TAGLN2: variants seen among roughly 807,000 people sequenced by gnomAD.
TAGLN2 encodes transgelin 2, also known as transgelin-2.
TAGLN2 carries 14 observed loss-of-function variants against 24.9 expected under a neutral mutation model. The observed-to-expected ratio is 0.56, with a 90% CI of 0.37 to 0.88. The LOEUF is 0.88. Among genes scored for constraint, TAGLN2 ranks in the 40% least tolerant of loss-of-function variants. The pLI is 0.00. For synonymous variants in TAGLN2, 77 were observed against 98.2 expected (o/e 0.78, Z 1.28); for missense variants, 208 against 258.9 (o/e 0.80, Z 1.35).
chr1:159,920,535 G>C lies in TAGLN2; in HGVS notation c.-26C>G. ...TCCAATGGGTGGCGGTGGCTGCGGG[G>C]AGCTAGGGAGAGGACACACCCGGGC... On this transcript the variant is annotated splice_region_variant and 5_prime_UTR_variant, in exon 2 of 5. Coordinates refer to ENST00000368097, the MANE Select transcript of TAGLN2 (RefSeq NM_003564.3). 1 of 1,612,684 alleles carries C rather than the reference G, an allele frequency of 6.2e-7. No homozygotes were observed.
intron 1 of TAGLN2, among the ~76,000 whole-genome samples, chr1:159,921,107 A>G (rs1368541886): frequency 6.6e-6 from 1 of 152,254 alleles, no homozygotes; most frequent in Non-Finnish European, 1.5e-5. Context: ...CGAATTTCCT[A>G]TGAAAAACCA....
At chr1:159,920,268 C>G in intron 2 of TAGLN2, 62 bp downstream of exon 2, 1 of 1,613,134 alleles carries the variant, frequency 6.2e-7, no homozygotes, top group Non-Finnish European at 8.5e-7. Flanking sequence ...AAACAATCCC[C>G]AGTCCACTGG....
Position 159,918,750 on chromosome 1 carries a change from C to T in TAGLN2, c.*50G>A. 2.5e-6 allele frequency: 4 copies of T among 1,587,188 alleles called. No individual in the cohort carries two copies. Among genetic ancestry groups the T allele is most frequent in the South Asian group, 1.1e-5 (1 of 87,888 alleles). On this transcript the variant is annotated 3_prime_UTR_variant, in exon 5 of 5. Coordinates refer to ENST00000368097, the MANE Select transcript of TAGLN2 (RefSeq NM_003564.3). ...ATGTCACTGCTAAAATATATATCTACATATATATTAACCATTCGTGGGAGG... is the reference window on the plus strand; with the variant it reads ...ATGTCACTGCTAAAATATATATCTATATATATATTAACCATTCGTGGGAGG...
intron 1 of TAGLN2, among the ~76,000 whole-genome samples, chr1:159,922,623 G>C (rs774649397): frequency 6.6e-6 from 1 of 152,178 alleles, no homozygotes; most frequent in Admixed American, 6.5e-5. Context: ...CCCCCTTTCC[G>C]CAGCCCAGTT....
Position 159,918,952 on chromosome 1 carries a change from A to G in TAGLN2, c.459-11T>C. 1 of 1,613,940 alleles carries G rather than the reference A, an allele frequency of 6.2e-7. No individual in the cohort carries two copies. The highest frequency in any genetic ancestry group is 8.5e-7 in the Non-Finnish European group (1 of 1,179,914). ...TTCTCCTTGGATTTCCTGGGTGACA[A>G]GGGAGTGGTGGTTAGAGGAGATCAC... is the stretch of plus-strand genomic sequence containing the variant. On this transcript the variant is annotated splice_polypyrimidine_tract_variant and intron_variant, in intron 4 of 4. Coordinates refer to ENST00000368097, the MANE Select transcript of TAGLN2 (RefSeq NM_003564.3).
At chr1:159,920,205 A>C (rs566009031) in intron 2 of TAGLN2, 125 bp downstream of exon 2, 19 of 1,498,252 alleles carry the variant, frequency 1.3e-5, no homozygotes, top group African/African-American at 1.2e-4. Flanking sequence ...AAGGCCTTCA[A>C]GCTGAGGAAG....
Position 159,918,627 on chromosome 1 carries a change from G to A in TAGLN2, c.*173C>T. 2 of 854,390 alleles carry A rather than the reference G, an allele frequency of 2.3e-6. No individual in the cohort carries two copies. The highest frequency in any genetic ancestry group is 3.6e-6 in the Non-Finnish European group (2 of 554,082). The allele number at this position is 854,390 out of a possible 1,614,324, so 52.9% of individuals were successfully genotyped here. ...GGGAAGGGAATGTATTAGTAAGCATGGGGGAGAGGATGCCAGCAGGCACCT... is the reference window on the plus strand; with the variant it reads ...GGGAAGGGAATGTATTAGTAAGCATAGGGGAGAGGATGCCAGCAGGCACCT... On this transcript the variant is annotated 3_prime_UTR_variant, in exon 5 of 5. Coordinates refer to ENST00000368097, the MANE Select transcript of TAGLN2 (RefSeq NM_003564.3).
chr1:159,923,533 A>G, intron 1 of TAGLN2: 1 of 1,505,948 alleles, frequency 6.6e-7, no homozygotes, highest in Non-Finnish European at 9.0e-7. Flanking sequence ...AGACAAAGGG[A>G]CTCTCCATCC....
At chr1:159,923,034 G>C (rs1214403170) in intron 1 of TAGLN2, among the ~76,000 whole-genome samples, 1 of 152,254 alleles carries the variant, frequency 6.6e-6, no homozygotes. Context: ...AACCAGGCCA[G>C]GCCTGGTCAG....
At position 159,920,339 on chromosome 1, in the gene TAGLN2, C is replaced by T. The variant is rs771846725; in HGVS notation, c.171G>A (p.Lys57=). 16 of 1,614,246 alleles carry T rather than the reference C, an allele frequency of 9.9e-6. No homozygotes were observed. The Admixed American group carries it at 2.0e-4, about 20-fold the overall frequency. ...GGGGCCCGGCTCTCACCGTGCCATC[C>T]TTGAGCCAGTTCTGGAAGTTCTCGC... ...PGRENFQNWL[K]DGTVLCELIN... is the part of the protein sequence containing the mutation. Residue 57 remains lysine, a synonymous_variant, in exon 2 of 5, where the codon AAG becomes AAA. Coordinates refer to ENST00000368097, the MANE Select transcript of TAGLN2 (RefSeq NM_003564.3).
intron 2 of TAGLN2, 63 bp downstream of exon 2, chr1:159,920,267 C>G (rs771868546): frequency 1.9e-6 from 3 of 1,612,958 alleles, no homozygotes; most frequent in Admixed American, 3.3e-5. Flanking sequence ...TAAACAATCC[C>G]CAGTCCACTG....
At chr1:159,921,957 A>G (rs1474865267) in intron 1 of TAGLN2, among the ~76,000 whole-genome samples, 2 of 152,212 alleles carry the variant, frequency 1.3e-5, no homozygotes, top group Admixed American at 1.3e-4. Flanking sequence ...TCCAAAACAG[A>G]GCTAGCTGTC....
In TAGLN2 at chr1:159,918,616, T is replaced by C. The variant is rs1650419604; in HGVS notation, c.*184A>G. On this transcript the variant is annotated 3_prime_UTR_variant, in exon 5 of 5. Transcript: ENST00000368097. ...TGATGGCTATGGGGAAGGGAATGTA[T>C]TAGTAAGCATGGGGGAGAGGATGCC... The C allele has an allele frequency of 2.5e-6, 2 of 789,216 alleles. No homozygotes were observed. The highest frequency in any genetic ancestry group is 4.0e-6 in the Non-Finnish European group (2 of 505,068). 48.9% of individuals were successfully genotyped at this position (789,216 alleles called of 1,614,324 possible). A position where few individuals can be genotyped will look rare whatever the true frequency, so the allele number is the denominator to read the frequency against.
intron 3 of TAGLN2, 134 bp from the exon 4 acceptor site, chr1:159,919,510 C>G: frequency 1.5e-6 from 2 of 1,314,572 alleles, no homozygotes; most frequent in Non-Finnish European, 2.2e-6. Context: ...TCCATTCCAG[C>G]CTCCAATATG....
Position 159,919,755 on chromosome 1 carries a change from G to C in TAGLN2, c.261C>G (p.Phe87Leu). 2 of 1,614,012 alleles carry C rather than the reference G, an allele frequency of 1.2e-6. No individual in the cohort carries two copies. The highest frequency in any genetic ancestry group is 1.7e-6 in the Non-Finnish European group (2 of 1,179,964). ...VKKIQASTMA[F>L]KQMEQISQFL... is the part of the protein sequence containing the mutation. Reference sequence around the variant, plus strand: ...ACTGAGAGATCTGCTCCATCTGCTTGAAGGCCATGGTGGAGGCCTGGATCT... The same window carrying C: ...ACTGAGAGATCTGCTCCATCTGCTTCAAGGCCATGGTGGAGGCCTGGATCT... The change falls in exon 3 of 5, where the codon TTC (phenylalanine) becomes TTG (leucine). Residue 87 changes from phenylalanine (F) to leucine (L), a missense_variant. Coordinates refer to ENST00000368097, the MANE Select transcript of TAGLN2 (RefSeq NM_003564.3).
intron 1 of TAGLN2, among the ~76,000 whole-genome samples, chr1:159,921,333 C>T (rs970680979): frequency 1.3e-5 from 2 of 152,006 alleles, no homozygotes; most frequent in Non-Finnish European, 2.9e-5. Flanking sequence ...GCCTTACTAA[C>T]TGAAAGTGGG....
chr1:159,921,489 C>CT (rs397815966), intron 1 of TAGLN2, among the ~76,000 whole-genome samples: 3 of 152,066 alleles, frequency 2.0e-5, no homozygotes, highest in African/African-American at 4.8e-5. Context: ...CCAAAAACCC[C>CT]AGAAGGAACA....
chr1:159,922,858 A>C (rs1359455149), intron 1 of TAGLN2, among the ~76,000 whole-genome samples: 1 of 152,224 alleles, frequency 6.6e-6, no homozygotes, highest in African/African-American at 2.4e-5. Flanking sequence ...CACTGGGTGG[A>C]AAGTGGATGC....
At position 159,919,845 on chromosome 1, in the gene TAGLN2, G is replaced by T; in HGVS notation, c.181-10C>A. 1 of 1,611,554 alleles carries T rather than the reference G, an allele frequency of 6.2e-7. No individual in the cohort carries two copies. ...TGAGCTCACATAGCACCTGGATGAGGACAGCAGGGGTGGAAAGGTGAGAAT... is the reference window on the plus strand; with the variant it reads ...TGAGCTCACATAGCACCTGGATGAGTACAGCAGGGGTGGAAAGGTGAGAAT... On this transcript the variant is annotated splice_polypyrimidine_tract_variant and intron_variant, in intron 2 of 4. Coordinates refer to ENST00000368097, the MANE Select transcript of TAGLN2 (RefSeq NM_003564.3).
Sources: allele counts gnomAD v4.1 joint callset (sites outside exome capture counted in the v4.1 genomes callset), GRCh38; gene constraint gnomAD v4.1.1; transcripts MANE v1.5; gene names NCBI Gene and HGNC (gene_info 2026-07-23, HGNC 2026-07-21).